Variants in NARF observed in about 807,000 individuals in gnomAD.
NARF encodes iron-only hydrogenase-like protein 2.
In NARF, 41 loss-of-function variants were observed where a neutral mutation model predicts 48.0. The ratio of observed to expected loss-of-function variants is 0.85; its 90% confidence interval spans 0.66 to 1.11. NARF has a LOEUF of 1.11. Among genes scored for constraint, NARF ranks in the 50% least tolerant of loss-of-function variants. The pLI, the probability that NARF is intolerant of heterozygous loss-of-function variation, is 0.00. For missense variants in NARF, 613 were observed against 590.2 expected, an observed-to-expected ratio of 1.04 and a Z score of -0.40; for synonymous variants, 215 against 225.5, an observed-to-expected ratio of 0.95 and a Z score of 0.42.
intron 10 of NARF, among the ~76,000 whole-genome samples, chr17:82,487,714 G>A (rs563669346): frequency 2.7e-4 from 41 of 152,290 alleles, no homozygotes; most frequent in Admixed American, 2.0e-3. Flanking sequence ...GTCCCAGCTC[G>A]AAGTAGGATT....
chr17:82,471,834 C>T (rs2043717335), intron 4 of NARF, among the ~76,000 whole-genome samples: 1 of 148,550 alleles, frequency 6.7e-6, no homozygotes, highest in African/African-American at 2.5e-5. Flanking sequence ...TATACTTTTA[C>T]TGTACGTTCT....
At chr17:82,461,998 C>G (rs1292135576) in intron 2 of NARF, among the ~76,000 whole-genome samples, 1 of 152,162 alleles carries the variant, frequency 6.6e-6, no homozygotes, top group Non-Finnish European at 1.5e-5. Context: ...CCTGAGTGGC[C>G]GACCCCAGGG....
intron 5 of NARF, among the ~76,000 whole-genome samples, chr17:82,474,965 G>A (rs1446797168): frequency 6.6e-6 from 1 of 152,178 alleles, no homozygotes; most frequent in Non-Finnish European, 1.5e-5. Context: ...TTTGACGCCA[G>A]ATACAGCCTT....
intron 10 of NARF, among the ~76,000 whole-genome samples, chr17:82,486,480 G>T (rs1006569172): frequency 6.6e-6 from 1 of 152,198 alleles, no homozygotes; most frequent in Non-Finnish European, 1.5e-5. Flanking sequence ...ACAGACAAGG[G>T]TGTGTCCTTC....
At chr17:82,466,702 C>T (rs1355130031) in intron 3 of NARF, among the ~76,000 whole-genome samples, 1 of 152,168 alleles carries the variant, frequency 6.6e-6, no homozygotes, top group Non-Finnish European at 1.5e-5. Flanking sequence ...ATGTGCTCGC[C>T]TCGGCCTCCC....
At chr17:82,458,938 C>A (rs2043357203) in intron 1 of NARF, 108 bp downstream of exon 1, 2 of 1,232,606 alleles carry the variant, frequency 1.6e-6, no homozygotes, top group Middle Eastern at 3.1e-4. Context: ...CAGGGCTCTT[C>A]AAGGCGCCCC....
Position 82,488,217 on chromosome 17 carries a change from G to A in NARF, c.*60G>A. 6.3e-7 allele frequency: 1 copy of A among 1,584,930 alleles called. No individual in the cohort carries two copies. Among genetic ancestry groups the A allele is most frequent in the South Asian group, 1.1e-5 (1 of 87,612 alleles). ...CAGAGCCAAGAGCCTCTCAGTAGAG[G>A]GAGGGGCTGCCCTGAGTGGAGTATT... On this transcript the variant is annotated 3_prime_UTR_variant, in exon 11 of 11. Transcript: ENST00000309794.
intron 1 of NARF, 25 bp from the exon 2 acceptor site, chr17:82,459,967 G>T: frequency 1.3e-6 from 2 of 1,584,252 alleles, no homozygotes; most frequent in Non-Finnish European, 1.7e-6. Context: ...AAAGTTCATT[G>T]ATAATGTTCC....
Position 82,489,717 on chromosome 17 carries a change from G to A in NARF, c.*1560G>A, listed in dbSNP as rs1186286590. The A allele has an allele frequency of 6.6e-6, 1 of 152,324 alleles. No individual in the cohort carries two copies. The highest frequency in any genetic ancestry group is 1.5e-5 in the Non-Finnish European group (1 of 68,116). 9.4% of individuals were successfully genotyped at this position (152,324 alleles called of 1,614,324 possible). On this transcript the variant is annotated 3_prime_UTR_variant, in exon 11 of 11. Coordinates refer to ENST00000309794, the MANE Select transcript of NARF (RefSeq NM_012336.4). The stretch of plus-strand genomic sequence containing the variant: ...GGCATGAGCTTGCCTTAAAAAGAAA[G>A]GAGAGGCCAGGCACGGTGGCTCGTG...
At chr17:82,472,787 AC>A in intron 5 of NARF, 89 bp downstream of exon 5, 1 of 1,475,286 alleles carries the variant, frequency 6.8e-7, no homozygotes, top group South Asian at 1.3e-5. Flanking sequence ...TTGGAGGCAG[AC>A]AGACCCATCC....
rs772123451 is a variant in NARF, at chr17:82,484,877, G to T, written c.898G>T (p.Ala300Ser). 6.2e-6 allele frequency: 10 copies of T among 1,613,232 alleles called. 1 individual carries two copies. The South Asian group carries it at 1.1e-4, about 18-fold the overall frequency. Residue 300 changes from alanine to serine, a missense_variant, in exon 9 of 11, where the codon GCA (alanine) becomes TCA (serine). Ala to Ser is a moderately conservative substitution (Grantham distance 99). Transcript: ENST00000309794. ...HDGASSDGHL[A>S]HIFRHAAKEL... Reference sequence around the variant, plus strand: ...TGGAGCCAGCTCAGACGGGCACCTGGCACACATCTTCAGACATGCGGCCAA... The same window carrying T: ...TGGAGCCAGCTCAGACGGGCACCTGTCACACATCTTCAGACATGCGGCCAA...
At chr17:82,459,934 A>G in intron 1 of NARF, 58 bp from the exon 2 acceptor site, 1 of 1,328,822 alleles carries the variant, frequency 7.5e-7, no homozygotes. Context: ...GAATGTGCAC[A>G]TTTTCTTAAG....
rs780106821 is a variant in NARF, at chr17:82,478,877, G to C, written c.598G>C (p.Val200Leu). The C allele has an allele frequency of 5.6e-6, 9 of 1,613,938 alleles. No homozygotes were observed. Among genetic ancestry groups the C allele is most frequent in the South Asian group, 4.4e-5 (4 of 91,078 alleles). The change falls in exon 6 of 11, where the codon GTC (valine) becomes CTC (leucine). Residue 200 changes from valine to leucine, a missense_variant. Transcript: ENST00000309794. Reference protein sequence around the residue: ...HLCTAKSPQQVMGSLVKDYFA... With the variant: ...HLCTAKSPQQLMGSLVKDYFA... ...CTGCACCGCCAAGTCCCCCCAGCAG[G>C]TCATGGGCTCTTTGGTGAAGGATTA...
In NARF at chr17:82,474,883, C is replaced by A. The variant is rs79483966; in HGVS notation, c.520+2185C>A. Among the ~76,000 whole-genome samples, 1,025 of 152,296 alleles carry A rather than the reference C, an allele frequency of 6.7e-3. 9 individuals carry two copies. Among genetic ancestry groups the A allele is most frequent in the African/African-American group, 0.024 (987 of 41,564 alleles). On this transcript the variant is annotated intron_variant, in intron 5 of 10. Transcript: ENST00000309794. Reference sequence around the variant, plus strand: ...ATGGGGACAGGGATGTTAGTGACTTCTTTCAGCTGTATGGTTTGCCTTACT... The same window carrying A: ...ATGGGGACAGGGATGTTAGTGACTTATTTCAGCTGTATGGTTTGCCTTACT...
intron 2 of NARF, 81 bp downstream of exon 2, chr17:82,460,153 G>A (rs1453554065): frequency 1.7e-6 from 2 of 1,192,046 alleles, no homozygotes; most frequent in African/African-American, 1.5e-5. Flanking sequence ...ACAGCACCGT[G>A]CACATCACTG....
chr17:82,463,416 G>C (rs1238726742), intron 2 of NARF: 1 of 152,326 alleles, frequency 6.6e-6, no homozygotes, highest in African/African-American at 2.4e-5. Context: ...AAGTACAGAT[G>C]GGTGGGGAGG....
At chr17:82,473,116 T>C (rs2143887096) in intron 5 of NARF, among the ~76,000 whole-genome samples, 1 of 151,504 alleles carries the variant, frequency 6.6e-6, no homozygotes, top group African/African-American at 2.4e-5. Flanking sequence ...AATTATTGTA[T>C]TATTAGTGGA....
rs200373810 is a variant in NARF at position 82,483,703 on chromosome 17, C to T, written c.770-13C>T. The T allele has an allele frequency of 6.8e-6, 11 of 1,613,682 alleles. No individual in the cohort carries two copies. Among genetic ancestry groups the T allele is most frequent in the African/African-American group, 1.3e-5 (1 of 75,038 alleles). On this transcript the variant is annotated splice_polypyrimidine_tract_variant and intron_variant, in intron 7 of 10. Transcript: ENST00000309794. ...CCTGTGTCTTTTCAGTGTCTTACTTCGTTTGTCTGCAGGTGAAATTGCTCA... is the reference window on the plus strand; with the variant it reads ...CCTGTGTCTTTTCAGTGTCTTACTTTGTTTGTCTGCAGGTGAAATTGCTCA...
intron 4 of NARF, among the ~76,000 whole-genome samples, chr17:82,469,199 C>T (rs902743463): frequency 6.6e-6 from 1 of 152,208 alleles, no homozygotes; most frequent in Non-Finnish European, 1.5e-5. Context: ...GGGAGATTCC[C>T]ACACTGGCCC....
Sources: allele counts gnomAD v4.1 joint callset (sites outside exome capture counted in the v4.1 genomes callset), GRCh38; gene constraint gnomAD v4.1.1; transcripts MANE v1.5; gene names NCBI Gene and HGNC (gene_info 2026-07-23, HGNC 2026-07-21).